The following NRG1 variants were observed in gnomAD, a reference collection of about 807,000 sequenced individuals.
NRG1 encodes neuregulin 1, also known as pro-neuregulin-1, membrane-bound isoform.
Under a neutral mutation model 63.8 loss-of-function variants are expected in NRG1, and 18 were observed. The observed-to-expected ratio is 0.28, with a 90% CI of 0.19 to 0.42. The LOEUF (loss-of-function observed/expected upper bound fraction) is 0.42. Among genes scored for constraint, NRG1 ranks in the 10% least tolerant of loss-of-function variants. The pLI is 1.00. For synonymous variants in NRG1, 302 were observed against 301.3 expected (o/e 1.00, Z -0.02); for missense variants, 762 against 814.7 (o/e 0.94, Z 0.79).
At chr8:32,747,273 C>T (rs574323067) in intron 7 of NRG1, among the ~76,000 whole-genome samples, 17 of 152,068 alleles carry the variant, frequency 1.1e-4, no homozygotes, top group Middle Eastern at 3.4e-3. Flanking sequence ...CTGTAGACAT[C>T]GCTTGATTTT....
At chr8:32,550,920 G>T (rs1833982359) in intron 1 of NRG1, among the ~76,000 whole-genome samples, 1 of 152,140 alleles carries the variant, frequency 6.6e-6, no homozygotes, top group African/African-American at 2.4e-5. Context: ...CTTTTTTGGG[G>T]AGGGACTTTT....
At chr8:32,759,973 G>A (rs541129762) in intron 10 of NRG1, among the ~76,000 whole-genome samples, 1 of 152,242 alleles carries the variant, frequency 6.6e-6, no homozygotes, top group East Asian at 1.9e-4. Flanking sequence ...TATTGAATGA[G>A]TGGACAAGTG....
At chr8:31,795,351 G>A (rs1821100113) in intron 1 of NRG1, among the ~76,000 whole-genome samples, 1 of 152,160 alleles carries the variant, frequency 6.6e-6, no homozygotes, top group Non-Finnish European at 1.5e-5. Flanking sequence ...CAGAGTGAGG[G>A]TGAGGTTGAG....
At chr8:32,423,260 T>G (rs1487329517) in intron 1 of NRG1, among the ~76,000 whole-genome samples, 1 of 152,220 alleles carries the variant, frequency 6.6e-6, no homozygotes, top group Non-Finnish European at 1.5e-5. Flanking sequence ...GGCCTCACAC[T>G]TCATCAGAGG....
intron 1 of NRG1, among the ~76,000 whole-genome samples, chr8:32,150,929 A>G (rs1837433494): frequency 6.6e-6 from 1 of 152,200 alleles, no homozygotes. Context: ...TTGTCAACCT[A>G]CGGTCAACAT....
intron 1 of NRG1, among the ~76,000 whole-genome samples, chr8:32,349,748 G>T (rs13278702): frequency 0.52 from 78,544 of 151,878 alleles, 21,234 homozygotes; most frequent in Non-Finnish European, 0.61. Context: ...AATTAGTGGT[G>T]TTTTCTGATT....
intron 7 of NRG1, among the ~76,000 whole-genome samples, chr8:32,745,999 C>G (rs1033832658): frequency 4.6e-5 from 7 of 152,130 alleles, no homozygotes; most frequent in African/African-American, 1.7e-4. Context: ...TTTCTAAATG[C>G]AACCTGTTGA....
chr8:32,625,095 C>T (rs575732323), intron 5 of NRG1, among the ~76,000 whole-genome samples: 2 of 152,172 alleles, frequency 1.3e-5, no homozygotes, highest in South Asian at 2.1e-4. Flanking sequence ...ATAACAACTC[C>T]GGTAGTTCAT....
intron 1 of NRG1, among the ~76,000 whole-genome samples, chr8:32,482,779 G>A (rs1367814661): frequency 6.6e-6 from 1 of 152,180 alleles, no homozygotes; most frequent in Non-Finnish European, 1.5e-5. Context: ...CAGAAGGACT[G>A]GAGCTGTGGG....
At chr8:32,408,301 G>A (rs1814385033) in intron 1 of NRG1, among the ~76,000 whole-genome samples, 1 of 152,174 alleles carries the variant, frequency 6.6e-6, no homozygotes, top group Non-Finnish European at 1.5e-5. Context: ...TGCCCTCTTT[G>A]CCCTGTTCCC....
At chr8:32,734,514 C>T (rs755990372) in intron 6 of NRG1, among the ~76,000 whole-genome samples, 3 of 152,224 alleles carry the variant, frequency 2.0e-5, no homozygotes, top group Non-Finnish European at 2.9e-5. Context: ...CAGTGTTACA[C>T]TTGCCTGTGG....
At chr8:32,472,771 C>T (rs189306633) in intron 1 of NRG1, among the ~76,000 whole-genome samples, 23 of 152,248 alleles carry the variant, frequency 1.5e-4, no homozygotes, top group Non-Finnish European at 2.9e-4. Context: ...TTGTTGTTTG[C>T]GTTGTCGTGC....
intron 1 of NRG1, among the ~76,000 whole-genome samples, chr8:32,348,061 G>C (rs1207278782): frequency 6.6e-6 from 1 of 152,084 alleles, no homozygotes; most frequent in Non-Finnish European, 1.5e-5. Flanking sequence ...GATGCCACAT[G>C]GTCAATGGAT....
intron 1 of NRG1, chr8:32,099,911 A>C (rs578044283): frequency 6.5e-6 from 1 of 152,684 alleles, no homozygotes; most frequent in Admixed American, 6.5e-5. Flanking sequence ...GTTAGAACTC[A>C]GTGGATGAAG....
chr8:32,153,999 T>C (rs1837789200), intron 1 of NRG1, among the ~76,000 whole-genome samples: 1 of 152,164 alleles, frequency 6.6e-6, no homozygotes, highest in Non-Finnish European at 1.5e-5. Flanking sequence ...CTACTGAACA[T>C]TGGCTTTTGG....
At position 32,755,450 on chromosome 8, in the gene NRG1, AT is replaced by A. The variant is rs1164342258; in HGVS notation, c.795-952del. On this transcript the variant is annotated intron_variant, in intron 8 of 11. Coordinates refer to ENST00000356819, the Ensembl canonical transcript of NRG1. ...ATGGATTGTATTTTGTCAATATCCCATGATTTAGTGTGTTGCCAGAATTAAG... is the reference window on the plus strand; with the variant it reads ...ATGGATTGTATTTTGTCAATATCCCAGATTTAGTGTGTTGCCAGAATTAAG... 2.0e-5 allele frequency among the ~76,000 whole-genome samples: 3 copies of A among 152,140 alleles called. No individual in the cohort carries two copies. In the East Asian group the frequency reaches 5.8e-4, roughly 29 times the overall value.
intron 1 of NRG1, among the ~76,000 whole-genome samples, chr8:31,702,870 C>T (rs1030883264): frequency 3.9e-5 from 6 of 151,938 alleles, no homozygotes; most frequent in Non-Finnish European, 8.8e-5. Context: ...GAGAAATGTA[C>T]ATTGTCTATT....
At chr8:32,411,705 A>G (rs1814976112) in intron 1 of NRG1, among the ~76,000 whole-genome samples, 1 of 152,208 alleles carries the variant, frequency 6.6e-6, no homozygotes, top group African/African-American at 2.4e-5. Context: ...ATCCACACAT[A>G]ACCCTATTAA....
rs191952187 is a variant in NRG1 at position 32,538,432 on chromosome 8, C to T, written c.38-57396C>T. ...ACCCCATGATGGTTCATGAGAAACA[C>T]GTGTTCATATGATTATACCATGTTT... On this transcript the variant is annotated intron_variant, in intron 1 of 10. Transcript: ENST00000519301. 4.6e-5 allele frequency among the ~76,000 whole-genome samples: 7 copies of T among 152,244 alleles called. No homozygotes were observed. In the East Asian group the frequency reaches 9.7e-4, roughly 21 times the overall value.
Sources: allele counts gnomAD v4.1 joint callset (sites outside exome capture counted in the v4.1 genomes callset), GRCh38; gene constraint gnomAD v4.1.1; transcripts MANE v1.5; gene names NCBI Gene and HGNC (gene_info 2026-07-23, HGNC 2026-07-21).